SLC4A9: variants seen among roughly 807,000 people sequenced by gnomAD.
The protein encoded by SLC4A9 is anion exchange protein 4.
Under a neutral mutation model 103.2 loss-of-function variants are expected in SLC4A9, and 102 were observed. The observed-to-expected ratio is 0.99, with a 90% CI of 0.84 to 1.17. SLC4A9 has a LOEUF of 1.17. Ranked by LOEUF, SLC4A9 falls within the 50% of genes most tolerant of loss-of-function variation. The pLI is 0.00. For missense variants in SLC4A9, 1,091 were observed against 1,193.7 expected (o/e 0.91, Z 1.27); for synonymous variants, 453 against 483.6 (o/e 0.94, Z 0.83).
chr5:140,362,021 A>G lies in SLC4A9; in HGVS notation c.566A>G (p.Gln189Arg), dbSNP rs1185096088. The G allele has an allele frequency of 6.2e-6, 10 of 1,612,784 alleles. No homozygotes were observed. The highest frequency in any genetic ancestry group is 7.6e-6 in the Non-Finnish European group (9 of 1,179,608). Residue 189 changes from glutamine to arginine, a missense_variant, in exon 5 of 22, where the codon CAG (glutamine) becomes CGG (arginine). Coordinates refer to ENST00000506757, the MANE Select transcript of SLC4A9 (RefSeq NM_031467.3). ...TCTCCTTGAACCCCCATCCAGTGTC[A>G]GAACCCCCTGAGACAGAAGCTACCT... ...NEEAPLREQC[Q>R]NPLRQKLPPG...
intron 21 of SLC4A9, among the ~76,000 whole-genome samples, chr5:140,374,550 CAAAAAAAAAA>C (rs70988749): frequency 1.5e-4 from 7 of 47,674 alleles, no homozygotes; most frequent in African/African-American, 6.0e-4. Context: ...AACTCCCTCT[CAAAAAAAAAA>C]AAAAAAAAAA....
intron 17 of SLC4A9, 97 bp downstream of exon 17, chr5:140,368,756 G>A: frequency 9.9e-7 from 1 of 1,012,312 alleles, no homozygotes; most frequent in Non-Finnish European, 1.5e-6. Context: ...TGTGCCAGGT[G>A]CTCTGTTAAG....
chr5:140,368,832 T>G (rs1768285160), intron 17 of SLC4A9, among the ~76,000 whole-genome samples, 173 bp downstream of exon 17: 3 of 152,180 alleles, frequency 2.0e-5, no homozygotes, highest in African/African-American at 7.2e-5. Context: ...ACCTTACAAA[T>G]GAGGCAGATG....
chr5:140,365,714 G>T, intron 12 of SLC4A9, 120 bp from the exon 13 acceptor site: 1 of 1,421,888 alleles, frequency 7.0e-7, no homozygotes, highest in Non-Finnish European at 9.7e-7. Context: ...CTACAGCTGG[G>T]AACTTCCCAT....
Position 140,372,250 on chromosome 5 carries a change from C to A in SLC4A9, c.2679C>A (p.Gly893=). ...TGTTTCTATTCCTGCAGTTGCTGGG[C>A]CTTGTGGGGGTCCGAAAGGCCCTGG... is the stretch of plus-strand genomic sequence containing the variant. ...AAIIFPLMLL[G]LVGVRKALER... The change falls in exon 20 of 22, where the codon GGC becomes GGA. Residue 893 remains glycine (G), a synonymous_variant. Coordinates refer to ENST00000506757, the MANE Select transcript of SLC4A9 (RefSeq NM_031467.3). 1.3e-6 allele frequency: 2 copies of A among 1,564,452 alleles called. No homozygotes were observed. Among genetic ancestry groups the A allele is most frequent in the Non-Finnish European group, 1.7e-6 (2 of 1,161,834 alleles).
intron 14 of SLC4A9, among the ~76,000 whole-genome samples, chr5:140,367,136 G>A (rs147527423): frequency 3.9e-4 from 59 of 152,232 alleles, no homozygotes; most frequent in Admixed American, 1.4e-3. Flanking sequence ...ACATCAAGAA[G>A]TGTGTGTAGG....
chr5:140,362,286 G>T (rs1767201602), intron 5 of SLC4A9, 112 bp downstream of exon 5: 2 of 1,311,852 alleles, frequency 1.5e-6, no homozygotes, highest in Non-Finnish European at 2.1e-6. Context: ...GGAGGATGGT[G>T]CTCAGGGGTC....
chr5:140,368,129 G>A (rs1768172395), intron 16 of SLC4A9, among the ~76,000 whole-genome samples: 2 of 152,170 alleles, frequency 1.3e-5, no homozygotes, highest in African/African-American at 2.4e-5. Flanking sequence ...CCATGCAAAG[G>A]TAGAGGCAGC....
At position 140,372,839 on chromosome 5, in the gene SLC4A9, A is replaced by C. The variant is rs369718250; in HGVS notation, c.*41A>C. On this transcript the variant is annotated 3_prime_UTR_variant, in exon 21 of 22. Transcript: ENST00000506757. Reference sequence around the variant, plus strand: ...GGGAGTGGAGACCCCAGGAAACAGCATGAGGTGAGGGTGTGAGGGAAGTGC... The same window carrying C: ...GGGAGTGGAGACCCCAGGAAACAGCCTGAGGTGAGGGTGTGAGGGAAGTGC... The C allele has an allele frequency of 4.6e-6, 7 of 1,509,760 alleles. No homozygotes were observed. The African/African-American group carries it at 9.7e-5, about 21-fold the overall frequency. The allele number at this position is 1,509,760 out of a possible 1,614,324, so 93.5% of individuals were successfully genotyped here. A position where few individuals can be genotyped will look rare whatever the true frequency, so the allele number is the denominator to read the frequency against.
At position 140,372,804 on chromosome 5, in the gene SLC4A9, G is replaced by A. The variant is rs566242514; in HGVS notation, c.*6G>A. ...TCAACATTTCTGTGAATTAGCTGGAGTAGGAGTCTGGGAGTGGAGACCCCA... is the reference window on the plus strand; with the variant it reads ...TCAACATTTCTGTGAATTAGCTGGAATAGGAGTCTGGGAGTGGAGACCCCA... On this transcript the variant is annotated 3_prime_UTR_variant, in exon 21 of 22. Coordinates refer to ENST00000506757, the MANE Select transcript of SLC4A9 (RefSeq NM_031467.3). 2 of 1,563,060 alleles carry A rather than the reference G, an allele frequency of 1.3e-6. No homozygotes were observed. The highest frequency in any genetic ancestry group is 1.2e-5 in the South Asian group (1 of 84,564).
intron 19 of SLC4A9, 26 bp from the exon 20 acceptor site, chr5:140,372,216 C>A (rs771457720): frequency 2.0e-6 from 3 of 1,529,782 alleles, no homozygotes; most frequent in Non-Finnish European, 1.7e-6. Flanking sequence ...TGCTGACAGG[C>A]CTGGGCCATG....
chr5:140,364,596 G>T lies in SLC4A9; in HGVS notation c.1622G>T (p.Gly541Val). The change falls in exon 11 of 22, where the codon GGG becomes GTG. Residue 541 changes from glycine (G) to valine (V), a missense_variant. By Grantham distance (109) the Gly-to-Val change is moderately radical (BLOSUM62 -3). Transcript: ENST00000506757. ...PIQKPGSSAY[G>V]CLCQYPGPGG... ...CAGAAGCCTGGGTCCTCTGCCTACG[G>T]GTGCCTCTGCCAATACCCAGGCCCA... 6.2e-7 allele frequency: 1 copy of T among 1,601,486 alleles called. No individual in the cohort carries two copies. The highest frequency in any genetic ancestry group is 8.5e-7 in the Non-Finnish European group (1 of 1,173,848).
chr5:140,362,273 T>G lies in SLC4A9; in HGVS notation c.719+99T>G, dbSNP rs111878990. On this transcript the variant is annotated intron_variant, in intron 5 of 21. Coordinates refer to ENST00000506757, the MANE Select transcript of SLC4A9 (RefSeq NM_031467.3). ...GTCTCAGTCTGATTCTCTGAGGCTG[T>G]GGGGAGGATGGTGCTCAGGGGTCTG... The G allele has an allele frequency of 3.5e-3, 4,749 of 1,342,948 alleles. 19 individuals are homozygous for G. Among genetic ancestry groups the G allele is most frequent in the Non-Finnish European group, 4.3e-3 (4,228 of 991,944 alleles). The allele number at this position is 1,342,948 out of a possible 1,614,324, so 83.2% of individuals were successfully genotyped here. A position where few individuals can be genotyped will look rare whatever the true frequency, so the allele number is the denominator to read the frequency against.
At position 140,365,507 on chromosome 5, in the gene SLC4A9, C is replaced by T; in HGVS notation, c.1652-13C>T. ...GGAGGGAACATACATCTGAATTCTT[C>T]TCTGCTTCCCAGGAAATGAGTCTCA... is the stretch of plus-strand genomic sequence containing the variant. On this transcript the variant is annotated splice_polypyrimidine_tract_variant and intron_variant, in intron 11 of 21. Coordinates refer to ENST00000506757, the MANE Select transcript of SLC4A9 (RefSeq NM_031467.3). 6.2e-7 allele frequency: 1 copy of T among 1,605,678 alleles called. No homozygotes were observed. The highest frequency in any genetic ancestry group is 8.5e-7 in the Non-Finnish European group (1 of 1,175,920).
chr5:140,367,650 C>G, intron 15 of SLC4A9, 69 bp downstream of exon 15: 1 of 1,603,126 alleles, frequency 6.2e-7, no homozygotes, highest in Non-Finnish European at 8.5e-7. Context: ...CTCCTCCTCT[C>G]CTACCTCAGA....
chr5:140,362,582 G>A, intron 6 of SLC4A9, 50 bp downstream of exon 6: 2 of 1,546,560 alleles, frequency 1.3e-6, no homozygotes, highest in Non-Finnish European at 8.9e-7. Flanking sequence ...GCATGCCTGT[G>A]TGTGTGTGCA....
At chr5:140,365,691 G>A (rs980498996) in intron 12 of SLC4A9, 113 bp downstream of exon 12, 41 of 1,421,020 alleles carry the variant, frequency 2.9e-5, no homozygotes, top group Non-Finnish European at 3.8e-5. Flanking sequence ...GGTGAGTAAA[G>A]CTTAGCCATT....
rs570984994 is a variant in SLC4A9 at position 140,374,397 on chromosome 5, T to A, written c.*46-430T>A. Among the ~76,000 whole-genome samples the A allele has an allele frequency of 4.7e-3, 703 of 151,148 alleles. 5 individuals are homozygous for A. Among genetic ancestry groups the A allele is most frequent in the African/African-American group, 0.017 (681 of 41,152 alleles). On this transcript the variant is annotated intron_variant, in intron 21 of 21. Transcript: ENST00000506757. ...CAACATGGTGAAACCCTGTCTCTACTAAAAATACAAAAATTAGCTGGGTGT... is the reference window on the plus strand; with the variant it reads ...CAACATGGTGAAACCCTGTCTCTACAAAAAATACAAAAATTAGCTGGGTGT...
rs916163842 is a variant in SLC4A9 at position 140,365,486 on chromosome 5, G to T, written c.1652-34G>T. Reference sequence around the variant, plus strand: ...GGGCTGGAGGAGGTTCCCAGGGGAGGGAACATACATCTGAATTCTTCTCTG... The same window carrying T: ...GGGCTGGAGGAGGTTCCCAGGGGAGTGAACATACATCTGAATTCTTCTCTG... On this transcript the variant is annotated intron_variant, in intron 11 of 21. Coordinates refer to ENST00000506757, the MANE Select transcript of SLC4A9 (RefSeq NM_031467.3). The T allele has an allele frequency of 3.8e-6, 6 of 1,588,374 alleles. No individual in the cohort carries two copies. In the African/African-American group the frequency reaches 8.1e-5, roughly 21 times the overall value.
Sources: allele counts gnomAD v4.1 joint callset (sites outside exome capture counted in the v4.1 genomes callset), GRCh38; gene constraint gnomAD v4.1.1; transcripts MANE v1.5; gene names NCBI Gene and HGNC (gene_info 2026-07-23, HGNC 2026-07-21).